CNTNAP2: variants seen among roughly 807,000 people sequenced by gnomAD.
CNTNAP2 encodes the protein contactin-associated protein-like 2.
A neutral mutation model predicts 155.2 loss-of-function variants in CNTNAP2; 98 were observed. The ratio of observed to expected loss-of-function variants is 0.63; its 90% confidence interval spans 0.54 to 0.75. CNTNAP2 has a LOEUF of 0.75. CNTNAP2 is among the 30% of genes least tolerant of loss of function. CNTNAP2 has a pLI of 0.00. For synonymous variants in CNTNAP2, 651 were observed against 631.2 expected, an observed-to-expected ratio of 1.03 and a Z score of -0.47; for missense variants, 1,727 against 1,688.1, an observed-to-expected ratio of 1.02 and a Z score of -0.40.
chr7:146,999,442 T>A (rs1221093079), intron 3 of CNTNAP2, among the ~76,000 whole-genome samples: 1 of 152,028 alleles, frequency 6.6e-6, no homozygotes, highest in Non-Finnish European at 1.5e-5. Context: ...TACACCATCA[T>A]AGAGTAATAA....
At chr7:146,410,768 A>G (rs1024911763) in intron 1 of CNTNAP2, among the ~76,000 whole-genome samples, 1 of 151,836 alleles carries the variant, frequency 6.6e-6, no homozygotes, top group Non-Finnish European at 1.5e-5. Context: ...CATCTCCCCA[A>G]TCCCTCCACT....
intron 1 of CNTNAP2, among the ~76,000 whole-genome samples, chr7:146,299,149 T>C (rs1269923813): frequency 6.6e-6 from 1 of 152,030 alleles, no homozygotes; most frequent in Non-Finnish European, 1.5e-5. Context: ...CATGTGCCTG[T>C]AATCCCAGCT....
intron 13 of CNTNAP2, among the ~76,000 whole-genome samples, chr7:147,701,373 A>T (rs893561313): frequency 6.6e-6 from 1 of 152,170 alleles, no homozygotes; most frequent in Non-Finnish European, 1.5e-5. Flanking sequence ...CTTTACTGTA[A>T]CATTAATTTA....
intron 1 of CNTNAP2, among the ~76,000 whole-genome samples, chr7:146,702,390 C>A (rs1183936960): frequency 6.6e-6 from 1 of 151,922 alleles, no homozygotes; most frequent in Non-Finnish European, 1.5e-5. Context: ...TATTTTTATT[C>A]TATTAAAAGG....
At position 147,997,766 on chromosome 7, in the gene CNTNAP2, T is replaced by C. The variant is rs143805310; in HGVS notation, c.2383+19777T>C. Reference sequence around the variant, plus strand: ...CCCTTATGGGAGTCTTACCTGATTATTCCTAAGGAGGTGAAAAGAGGTGTT... The same window carrying C: ...CCCTTATGGGAGTCTTACCTGATTACTCCTAAGGAGGTGAAAAGAGGTGTT... On this transcript the variant is annotated intron_variant, in intron 15 of 23. Coordinates refer to ENST00000361727, the MANE Select transcript of CNTNAP2 (RefSeq NM_014141.6). 4.3e-3 allele frequency among the ~76,000 whole-genome samples: 651 copies of C among 152,216 alleles called. 2 individuals are homozygous for C. Among genetic ancestry groups the C allele is most frequent in the Middle Eastern group, 6.8e-3 (2 of 294 alleles).
intron 10 of CNTNAP2, among the ~76,000 whole-genome samples, chr7:147,397,432 CTT>C (rs1313768657): frequency 1.3e-5 from 2 of 151,854 alleles, no homozygotes; most frequent in African/African-American, 2.4e-5. Flanking sequence ...AGTATCTACT[CTT>C]TTTTTCAGGT....
chr7:146,133,486 C>T (rs1471572314), intron 1 of CNTNAP2, among the ~76,000 whole-genome samples: 1 of 152,198 alleles, frequency 6.6e-6, no homozygotes, highest in African/African-American at 2.4e-5. Flanking sequence ...GAAGTCCTTG[C>T]CCATGCCTAT....
At chr7:146,511,721 A>G (rs1007670907) in intron 1 of CNTNAP2, among the ~76,000 whole-genome samples, 2 of 152,172 alleles carry the variant, frequency 1.3e-5, no homozygotes, top group African/African-American at 4.8e-5. Flanking sequence ...CATTATGAAT[A>G]TTGACCTGCA....
chr7:147,839,496 A>G (rs1798690810), intron 13 of CNTNAP2, among the ~76,000 whole-genome samples: 1 of 152,164 alleles, frequency 6.6e-6, no homozygotes, highest in Admixed American at 6.5e-5. Context: ...GCTGAGTCTT[A>G]AAGAGTAGGA....
At chr7:147,548,865 C>T (rs1315126711) in intron 11 of CNTNAP2, among the ~76,000 whole-genome samples, 2 of 152,134 alleles carry the variant, frequency 1.3e-5, no homozygotes, top group East Asian at 1.9e-4. Flanking sequence ...AATAGGAGAT[C>T]GTTTCCCCAT....
intron 13 of CNTNAP2, among the ~76,000 whole-genome samples, chr7:147,685,473 A>G (rs1259202806): frequency 6.6e-6 from 1 of 152,016 alleles, no homozygotes; most frequent in Non-Finnish European, 1.5e-5. Flanking sequence ...ACTTTTAATT[A>G]TAAGTAAAAT....
intron 20 of CNTNAP2, among the ~76,000 whole-genome samples, chr7:148,260,397 G>A (rs1445605336): frequency 1.3e-5 from 2 of 151,990 alleles, no homozygotes; most frequent in Admixed American, 6.6e-5. Context: ...TATTCAATAA[G>A]ACAATACATA....
intron 4 of CNTNAP2, among the ~76,000 whole-genome samples, chr7:147,062,123 G>T (rs1022059823): frequency 4.0e-5 from 2 of 49,528 alleles, no homozygotes; most frequent in East Asian, 8.0e-4. Flanking sequence ...GCGAGACTCC[G>T]TCTCAAAAAA....
At chr7:147,606,080 C>A (rs1162685618) in intron 12 of CNTNAP2, among the ~76,000 whole-genome samples, 1 of 151,012 alleles carries the variant, frequency 6.6e-6, no homozygotes, top group African/African-American at 2.4e-5. Context: ...CTAAGCTGTT[C>A]GTACAGTACA....
chr7:148,142,717 T>C (rs1187335550), intron 16 of CNTNAP2, among the ~76,000 whole-genome samples: 1 of 152,218 alleles, frequency 6.6e-6, no homozygotes, highest in East Asian at 1.9e-4. Context: ...AATATCTAAA[T>C]GCTCCCTCAC....
At chr7:147,593,163 T>A (rs1239950005) in intron 12 of CNTNAP2, among the ~76,000 whole-genome samples, 1 of 151,052 alleles carries the variant, frequency 6.6e-6, no homozygotes, top group African/African-American at 2.4e-5. Flanking sequence ...ATTATAATTG[T>A]AGGGAAAGAA....
intron 22 of CNTNAP2, among the ~76,000 whole-genome samples, chr7:148,406,246 G>T (rs10265507): frequency 2.3e-3 from 348 of 151,646 alleles, no homozygotes; most frequent in Admixed American, 3.8e-3. Context: ...AATAAAGAAA[G>T]AAAGAAGGTC....
intron 15 of CNTNAP2, among the ~76,000 whole-genome samples, chr7:148,099,824 A>G (rs1437862970): frequency 7.0e-6 from 1 of 143,032 alleles, no homozygotes; most frequent in African/African-American, 2.6e-5. Flanking sequence ...CATCCCTGTC[A>G]GGTCCTGAGC....
chr7:147,151,519 G>A (rs1049521068), intron 8 of CNTNAP2, among the ~76,000 whole-genome samples: 5 of 152,022 alleles, frequency 3.3e-5, no homozygotes, highest in Non-Finnish European at 7.4e-5. Context: ...ACTTAAAGAT[G>A]ACAATGCAAA....
Sources: gnomAD v4.1 joint callset for allele counts (sites outside exome capture counted in the v4.1 genomes callset) on GRCh38, gnomAD v4.1.1 for gene constraint, MANE v1.5 for transcripts, NCBI Gene and HGNC (gene_info 2026-07-23, HGNC 2026-07-21) for gene names.